BNC2: variants seen among roughly 807,000 people sequenced by gnomAD.
BNC2 encodes basonuclin zinc finger protein 2.
Under a neutral mutation model 76.3 loss-of-function variants are expected in BNC2, and 20 were observed. The observed-to-expected ratio is 0.26, with a 90% CI of 0.18 to 0.38. The LOEUF is 0.38. BNC2 is among the 10% of genes least tolerant of loss of function. BNC2 has a pLI of 1.00. For missense variants in BNC2, 1,382 were observed against 1,399.8 expected (o/e 0.99, Z 0.20); for synonymous variants, 582 against 514.8 (o/e 1.13, Z -1.77).
intron 6 of BNC2, chr9:16,429,711 T>C (rs1351664157): frequency 3.2e-6 from 1 of 308,266 alleles, no homozygotes; most frequent in Admixed American, 4.0e-5. Context: ...ATGTTAACTC[T>C]CATCAATAGA....
intron 3 of BNC2, among the ~76,000 whole-genome samples, chr9:16,720,818 T>TA (rs539104352): frequency 4.9e-4 from 75 of 152,290 alleles, no homozygotes; most frequent in African/African-American, 1.7e-3. Context: ...GAAGAAAACA[T>TA]ACAGCGATTC....
chr9:16,855,672 G>C (rs1819236206), intron 1 of BNC2, among the ~76,000 whole-genome samples: 2 of 151,584 alleles, frequency 1.3e-5, no homozygotes, highest in South Asian at 4.2e-4. Flanking sequence ...CACGTAGCTG[G>C]GACTACAGGC....
intron 3 of BNC2, among the ~76,000 whole-genome samples, chr9:16,686,152 C>A (rs1348442424): frequency 6.6e-6 from 1 of 151,932 alleles, no homozygotes; most frequent in Admixed American, 6.5e-5. Context: ...AGGCAGACTT[C>A]TATTTATCAA....
intron 3 of BNC2, among the ~76,000 whole-genome samples, chr9:16,684,711 C>G (rs1241007732): frequency 6.6e-6 from 1 of 152,010 alleles, no homozygotes; most frequent in African/African-American, 2.4e-5. Context: ...GGAGTGCTAC[C>G]CATGTTGAAA....
chr9:16,763,516 G>A (rs1041352013), intron 1 of BNC2, among the ~76,000 whole-genome samples: 1 of 152,014 alleles, frequency 6.6e-6, no homozygotes, highest in Admixed American at 6.6e-5. Flanking sequence ...GCTGCAGTGA[G>A]CTGTGTTCAC....
rs1821340429 is a variant in BNC2 at position 16,451,538 on chromosome 9, T to C, written c.670-14014A>G. 2.0e-5 allele frequency among the ~76,000 whole-genome samples: 3 copies of C among 152,138 alleles called. No individual in the cohort carries two copies. The South Asian group carries it at 6.2e-4, about 32-fold the overall frequency. ...CTCAACCTACATTTCTAACATCATC[T>C]CCTGCCAAGACCTCTGAAGCTCCAG... On this transcript the variant is annotated intron_variant, in intron 5 of 6. Transcript: ENST00000380672.
intron 3 of BNC2, among the ~76,000 whole-genome samples, chr9:16,674,925 A>G (rs890593465): frequency 2.6e-5 from 4 of 152,182 alleles, no homozygotes; most frequent in Admixed American, 2.6e-4. Context: ...TTAGATGGGA[A>G]TATTTCCGAT....
intron 3 of BNC2, among the ~76,000 whole-genome samples, chr9:16,587,196 A>G (rs958564782): frequency 9.9e-6 from 1 of 101,106 alleles, no homozygotes; most frequent in Non-Finnish European, 2.0e-5. Context: ...ACTGACTAGG[A>G]ATCTTTTTTT....
At chr9:16,517,924 T>C (rs1448836947) in intron 5 of BNC2, among the ~76,000 whole-genome samples, 1 of 152,062 alleles carries the variant, frequency 6.6e-6, no homozygotes, top group East Asian at 1.9e-4. Flanking sequence ...TCCGAAATGG[T>C]ACTTGGCACA....
chr9:16,633,699 T>C (rs1008227025), intron 3 of BNC2, among the ~76,000 whole-genome samples: 4 of 152,206 alleles, frequency 2.6e-5, no homozygotes, highest in Non-Finnish European at 5.9e-5. Flanking sequence ...CAGTATATCG[T>C]AACATCGTGA....
At chr9:16,690,068 G>A (rs913751131) in intron 3 of BNC2, among the ~76,000 whole-genome samples, 4 of 152,188 alleles carry the variant, frequency 2.6e-5, no homozygotes, top group African/African-American at 9.7e-5. Flanking sequence ...AATTTAACTA[G>A]GAGACAAAAT....
rs1283794209 is a variant in BNC2, at chr9:16,418,711, T to TGG, written c.*277_*278insCC. 1 of 438,180 alleles carries TGG rather than the reference T, an allele frequency of 2.3e-6. No homozygotes were observed. Among genetic ancestry groups the TGG allele is most frequent in the African/African-American group, 2.0e-5 (1 of 49,154 alleles). The allele number at this position is 438,180 out of a possible 1,614,324, so 27.1% of individuals were successfully genotyped here. Reference sequence around the variant, plus strand: ...GTGTGTATGTGCATGTGTGTGTGTGTGTGTTTAAAGGGGTACTCTGTTTTC... The same window carrying TGG: ...GTGTGTATGTGCATGTGTGTGTGTGTGGGTGTTTAAAGGGGTACTCTGTTTTC... On this transcript the variant is annotated 3_prime_UTR_variant, in exon 7 of 7. Transcript: ENST00000380672.
At chr9:16,596,112 A>G (rs578184165) in intron 3 of BNC2, among the ~76,000 whole-genome samples, 128 of 152,242 alleles carry the variant, frequency 8.4e-4, no homozygotes, top group African/African-American at 3.0e-3. Flanking sequence ...CAAAAATCCA[A>G]TTTTCATATG....
intron 1 of BNC2, among the ~76,000 whole-genome samples, chr9:16,853,858 A>C (rs1056528615): frequency 6.6e-6 from 1 of 152,106 alleles, no homozygotes; most frequent in African/African-American, 2.4e-5. Flanking sequence ...ATAGAGGGAG[A>C]CTCTGTCTCA....
At chr9:16,572,578 T>C (rs941571007) in intron 4 of BNC2, among the ~76,000 whole-genome samples, 2 of 152,162 alleles carry the variant, frequency 1.3e-5, no homozygotes, top group Non-Finnish European at 2.9e-5. Context: ...GGATCAGTAT[T>C]ACCCAGAAAC....
intron 5 of BNC2, among the ~76,000 whole-genome samples, chr9:16,444,431 G>A (rs757749678): frequency 6.6e-6 from 1 of 151,984 alleles, no homozygotes; most frequent in African/African-American, 2.4e-5. Context: ...CTGATAATCC[G>A]CCTTTGCTTG....
chr9:16,435,709 T>C lies in BNC2; in HGVS notation c.2485A>G (p.Ser829Gly), dbSNP rs1820994107. The C allele has an allele frequency of 3.1e-6, 5 of 1,614,158 alleles. No homozygotes were observed. Among genetic ancestry groups the C allele is most frequent in the Non-Finnish European group, 3.4e-6 (4 of 1,180,026 alleles). The part of the protein sequence containing the change: ...KFSPEGDLCS[S>G]PDPKICYVCK... ...ACATAACAGATTTTGGGGTCTGGGC[T>C]AGAACATAGGTCACCTTCTGGGGAG... The change falls in exon 6 of 7, where the codon AGC becomes GGC. Residue 829 changes from serine to glycine, a missense_variant. This residue lies in a region of BNC2 where 798 missense variants were observed against 775.5 expected (regional missense o/e 1.03). Coordinates refer to ENST00000380672, the MANE Select transcript of BNC2 (RefSeq NM_017637.6).
At chr9:16,784,824 G>A (rs1032640629) in intron 1 of BNC2, among the ~76,000 whole-genome samples, 11 of 152,298 alleles carry the variant, frequency 7.2e-5, no homozygotes, top group Admixed American at 3.9e-4. Flanking sequence ...CTCCAACTGC[G>A]GAGCAATAAT....
intron 1 of BNC2, among the ~76,000 whole-genome samples, chr9:16,843,396 T>A (rs1250216232): frequency 6.6e-6 from 1 of 152,208 alleles, no homozygotes; most frequent in African/African-American, 2.4e-5. Context: ...GTGGCAAAAA[T>A]CTCAGCTTAC....
Sources: allele counts gnomAD v4.1 joint callset (sites outside exome capture counted in the v4.1 genomes callset), GRCh38; gene constraint gnomAD v4.1.1; regional missense constraint gnomAD v4.1.1; transcripts MANE v1.5; gene names NCBI Gene and HGNC (gene_info 2026-07-23, HGNC 2026-07-21).